LURAP1L: variants seen among roughly 807,000 people sequenced by gnomAD.
The protein encoded by LURAP1L is leucine rich adaptor protein 1-like.
In LURAP1L, 12 loss-of-function variants were observed where a neutral mutation model predicts 13.8. That is an observed-to-expected ratio of 0.87 (90% CI 0.56 to 1.41). The LOEUF is 1.41. LURAP1L is among the 40% of genes most tolerant of loss of function. The pLI, the probability that LURAP1L is intolerant of heterozygous loss-of-function variation, is 0.00. For missense variants in LURAP1L, 375 were observed against 292.9 expected (o/e 1.28, Z -2.04); for synonymous variants, 139 against 119.2 (o/e 1.17, Z -1.08).
At chr9:12,792,656 A>G (rs1305249530) in intron 1 of LURAP1L, among the ~76,000 whole-genome samples, 2 of 152,102 alleles carry the variant, frequency 1.3e-5, no homozygotes, top group Admixed American at 6.6e-5. Flanking sequence ...AAACGACATT[A>G]GATTTACTTT....
intron 1 of LURAP1L, among the ~76,000 whole-genome samples, chr9:12,787,502 C>A (rs1819373959): frequency 6.6e-6 from 1 of 152,060 alleles, no homozygotes; most frequent in Non-Finnish European, 1.5e-5. Context: ...TCTCCAGAAA[C>A]AGGCAAGAGC....
intron 1 of LURAP1L, among the ~76,000 whole-genome samples, chr9:12,792,869 G>T (rs1262230416): frequency 6.6e-6 from 1 of 151,958 alleles, no homozygotes; most frequent in African/African-American, 2.4e-5. Context: ...ATTTGATTTT[G>T]TGTTTGCTTT....
At position 12,809,012 on chromosome 9, in the gene LURAP1L, A is replaced by G. The variant is rs774069368; in HGVS notation, c.313-12374A>G. Reference sequence around the variant, plus strand: ...TTAGGTCCTCAGGAAGCTTACAATCATGGCAGAAGGAAAGGGCAGCTAGCA... The same window carrying G: ...TTAGGTCCTCAGGAAGCTTACAATCGTGGCAGAAGGAAAGGGCAGCTAGCA... On this transcript the variant is annotated intron_variant, in intron 1 of 1. Transcript: ENST00000319264. Among the ~76,000 whole-genome samples, 16 of 152,194 alleles carry G rather than the reference A, an allele frequency of 1.1e-4. 1 individual carries two copies. Among genetic ancestry groups the G allele is most frequent in the East Asian group, 7.7e-4 (4 of 5,186 alleles).
intron 1 of LURAP1L, among the ~76,000 whole-genome samples, chr9:12,797,410 T>G (rs966708114): frequency 6.6e-6 from 1 of 152,076 alleles, no homozygotes; most frequent in African/African-American, 2.4e-5. Context: ...CAATGCCAAG[T>G]TTTAGCTGTC....
At chr9:12,785,413 C>A (rs1194542425) in intron 1 of LURAP1L, among the ~76,000 whole-genome samples, 1 of 152,054 alleles carries the variant, frequency 6.6e-6, no homozygotes, top group Non-Finnish European at 1.5e-5. Context: ...GCTCTGAGCC[C>A]AGCACAGTAC....
At chr9:12,788,188 A>AAAGAAAGAAAGAAAGT (rs1563889123) in intron 1 of LURAP1L, among the ~76,000 whole-genome samples, 1 of 131,330 alleles carries the variant, frequency 7.6e-6, no homozygotes, top group Non-Finnish European at 1.5e-5. Flanking sequence ...AGAAAGAAAG[A>AAAGAAAGAAAGAAAGT]AAGAAAAGAA....
intron 1 of LURAP1L, among the ~76,000 whole-genome samples, chr9:12,779,506 C>A (rs914782130): frequency 2.0e-5 from 3 of 152,082 alleles, no homozygotes; most frequent in African/African-American, 7.2e-5. Flanking sequence ...TATCTCCTGA[C>A]CTCGTGATCC....
intron 1 of LURAP1L, among the ~76,000 whole-genome samples, chr9:12,786,198 T>C (rs1372421644): frequency 2.0e-5 from 3 of 152,058 alleles, no homozygotes; most frequent in African/African-American, 7.2e-5. Flanking sequence ...TATAAGCAAA[T>C]TACTGACAGA....
intron 1 of LURAP1L, among the ~76,000 whole-genome samples, chr9:12,799,130 A>C (rs1819549773): frequency 6.6e-6 from 1 of 152,176 alleles, no homozygotes; most frequent in African/African-American, 2.4e-5. Flanking sequence ...TCAGAACATC[A>C]AGATATTTGT....
At chr9:12,811,347 G>A (rs1030704022) in intron 1 of LURAP1L, among the ~76,000 whole-genome samples, 3 of 152,074 alleles carry the variant, frequency 2.0e-5, no homozygotes, top group African/African-American at 7.2e-5. Context: ...ATGACCCTCA[G>A]GTTATAGGGG....
chr9:12,815,849 G>A (rs1055780552), intron 1 of LURAP1L, among the ~76,000 whole-genome samples: 1 of 152,146 alleles, frequency 6.6e-6, no homozygotes, highest in Non-Finnish European at 1.5e-5. Flanking sequence ...TTGTCTTGGA[G>A]TGGAATACAA....
At chr9:12,785,825 A>G (rs922855301) in intron 1 of LURAP1L, among the ~76,000 whole-genome samples, 28 of 152,128 alleles carry the variant, frequency 1.8e-4, no homozygotes, top group African/African-American at 6.8e-4. Context: ...AAAACCGGGT[A>G]CTATGATTGT....
Position 12,805,410 on chromosome 9 carries a change from A to G in LURAP1L, c.313-15976A>G, listed in dbSNP as rs148221410. On this transcript the variant is annotated intron_variant, in intron 1 of 1. Transcript: ENST00000319264. ...AGTTATATGCATATATGAATACTAA[A>G]TATGGTAAATAGTGGTGAAAGGTTT... Among the ~76,000 whole-genome samples the G allele has an allele frequency of 4.4e-3, 669 of 152,320 alleles. 6 individuals carry two copies. Among genetic ancestry groups the G allele is most frequent in the South Asian group, 0.027 (131 of 4,828 alleles).
intron 1 of LURAP1L, among the ~76,000 whole-genome samples, chr9:12,803,853 C>A (rs76665929): frequency 0.13 from 19,546 of 152,048 alleles, 1,553 homozygotes; most frequent in East Asian, 0.27. Flanking sequence ...CCTGTGGTGC[C>A]AGAGATATCA....
At chr9:12,785,909 T>G (rs1465504802) in intron 1 of LURAP1L, among the ~76,000 whole-genome samples, 1 of 152,144 alleles carries the variant, frequency 6.6e-6, no homozygotes, top group Non-Finnish European at 1.5e-5. Flanking sequence ...TCTGTGGGGG[T>G]GACAATTGCT....
At chr9:12,776,096 T>C (rs1487073631) in intron 1 of LURAP1L, 69 bp downstream of exon 1, 2 of 1,485,534 alleles carry the variant, frequency 1.3e-6, no homozygotes, top group Non-Finnish European at 1.9e-6. Context: ...GATCTGAGAA[T>C]GGGGCTGGGA....
chr9:12,786,487 G>A (rs1819352133), intron 1 of LURAP1L, among the ~76,000 whole-genome samples: 1 of 138,274 alleles, frequency 7.2e-6, no homozygotes, highest in African/African-American at 2.7e-5. Flanking sequence ...TTGTTTTTCT[G>A]AGAATAATAT....
intron 1 of LURAP1L, among the ~76,000 whole-genome samples, chr9:12,811,133 T>A (rs2118536221): frequency 6.6e-6 from 1 of 152,314 alleles, no homozygotes; most frequent in South Asian, 2.1e-4. Context: ...CCTCTTTTTC[T>A]CCTACTGAGG....
intron 1 of LURAP1L, among the ~76,000 whole-genome samples, chr9:12,805,283 G>C: frequency 6.6e-6 from 1 of 152,014 alleles, no homozygotes; most frequent in East Asian, 1.9e-4. Flanking sequence ...GTATTTAATA[G>C]ACTCTAATAT....
Sources: gnomAD v4.1 joint callset for allele counts (sites outside exome capture counted in the v4.1 genomes callset) on GRCh38, gnomAD v4.1.1 for gene constraint, MANE v1.5 for transcripts, NCBI Gene and HGNC (gene_info 2026-07-23, HGNC 2026-07-21) for gene names.